ROR2: variants seen among roughly 807,000 people sequenced by gnomAD.
The protein encoded by ROR2 is ROR family WNT receptor 2, also known as tyrosine-protein kinase transmembrane receptor ROR2.
Under a neutral mutation model 74.9 loss-of-function variants are expected in ROR2, and 33 were observed. The ratio of observed to expected loss-of-function variants is 0.44; its 90% CI spans 0.33 to 0.59. The LOEUF (loss-of-function observed/expected upper bound fraction) is 0.59. Among genes scored for constraint, ROR2 ranks in the 20% least tolerant of loss-of-function variants. The pLI, the probability that ROR2 is intolerant of heterozygous loss-of-function variation, is 0.02. For synonymous variants in ROR2, 586 were observed against 558.7 expected (o/e 1.05, Z -0.69); for missense variants, 1,216 against 1,313.8 (o/e 0.93, Z 1.15).
Position 91,822,089 on chromosome 9 carries a change from G to A in ROR2, c.98-46271C>T, listed in dbSNP as rs368917832. Among the ~76,000 whole-genome samples the A allele has an allele frequency of 1.2e-4, 18 of 152,308 alleles. No individual in the cohort carries two copies. In the South Asian group the frequency reaches 2.7e-3, roughly 23 times the overall value. On this transcript the variant is annotated intron_variant, in intron 1 of 8. Coordinates refer to ENST00000375708, the MANE Select transcript of ROR2 (RefSeq NM_004560.4). ...GTAAACACGGCAGTTGACCCAAATCGGGATGAGAGAAATCCATGAAGTGAT... is the reference window on the plus strand; with the variant it reads ...GTAAACACGGCAGTTGACCCAAATCAGGATGAGAGAAATCCATGAAGTGAT...
chr9:91,748,806 G>A lies in ROR2; in HGVS notation c.494+7265C>T, dbSNP rs537160895. Among the ~76,000 whole-genome samples the A allele has an allele frequency of 1.7e-3, 262 of 152,302 alleles. 1 individual carries two copies. The highest frequency in any genetic ancestry group is 6.0e-3 in the African/African-American group (248 of 41,576). ...CCAGCATTTTGGGAGGCTGAGGCGT[G>A]TGGATCACCTGAGGTCAGGAGACCA... is the stretch of plus-strand genomic sequence containing the variant. On this transcript the variant is annotated intron_variant, in intron 4 of 8. Transcript: ENST00000375708.
At chr9:91,888,176 T>C (rs190315645) in intron 1 of ROR2, among the ~76,000 whole-genome samples, 4 of 152,322 alleles carry the variant, frequency 2.6e-5, no homozygotes, top group Admixed American at 2.0e-4. Context: ...TTCTAGACTT[T>C]TGTGAATTTG....
intron 1 of ROR2, among the ~76,000 whole-genome samples, chr9:91,821,859 C>T (rs753369801): frequency 2.0e-5 from 3 of 152,220 alleles, no homozygotes; most frequent in Non-Finnish European, 4.4e-5. Context: ...CTCAGCAGTT[C>T]CCAGGCACTG....
chr9:91,870,787 A>C (rs1197605664), intron 1 of ROR2, among the ~76,000 whole-genome samples: 1 of 152,274 alleles, frequency 6.6e-6, no homozygotes, highest in Non-Finnish European at 1.5e-5. Flanking sequence ...TGATTTTTGC[A>C]GGACAGCTTG....
chr9:91,820,299 G>A (rs978253240), intron 1 of ROR2, among the ~76,000 whole-genome samples: 1 of 152,110 alleles, frequency 6.6e-6, no homozygotes, highest in African/African-American at 2.4e-5. Flanking sequence ...GCAAAGCCAC[G>A]CTCCCACGGC....
chr9:91,799,442 C>T (rs1413747136), intron 1 of ROR2, among the ~76,000 whole-genome samples: 2 of 152,298 alleles, frequency 1.3e-5, no homozygotes, highest in African/African-American at 2.4e-5. Context: ...GCTCTCAGCA[C>T]GGAGGTGGCC....
chr9:91,833,916 G>A (rs1046713278), intron 1 of ROR2, among the ~76,000 whole-genome samples: 2 of 152,128 alleles, frequency 1.3e-5, no homozygotes, highest in African/African-American at 4.8e-5. Flanking sequence ...GCATATTCGA[G>A]CCATGGGATT....
At chr9:91,773,740 T>C (rs1360774996) in intron 2 of ROR2, among the ~76,000 whole-genome samples, 1 of 152,178 alleles carries the variant, frequency 6.6e-6, no homozygotes, top group Non-Finnish European at 1.5e-5. Context: ...GGTACCACCA[T>C]GACACCAAGT....
intron 1 of ROR2, among the ~76,000 whole-genome samples, chr9:91,786,604 G>A (rs1484130036): frequency 1.3e-5 from 2 of 152,128 alleles, no homozygotes; most frequent in Non-Finnish European, 2.9e-5. Context: ...CACCAACCTC[G>A]CAAACAGTGA....
rs778062920 is a variant in ROR2 at position 91,724,260 on chromosome 9, C to T, written c.2234G>A (p.Arg745Gln). Residue 745 changes from arginine to glutamine, a missense_variant, in exon 9 of 9, where the codon CGG becomes CAG. Coordinates refer to ENST00000375708, the MANE Select transcript of ROR2 (RefSeq NM_004560.4). ...GGAAAGGTTGCCCCAGGCTCGGAGC[C>T]GGCTGTGGATGTCCTTGAAGCGGGG... ...RRPRFKDIHS[R>Q]LRAWGNLSNY... 4.8e-5 allele frequency: 77 copies of T among 1,613,360 alleles called. No individual in the cohort carries two copies. The highest frequency in any genetic ancestry group is 1.8e-4 in the East Asian group (8 of 44,890).
At chr9:91,949,210 A>T (rs563189486) in intron 1 of ROR2, among the ~76,000 whole-genome samples, 1 of 150,842 alleles carries the variant, frequency 6.6e-6, no homozygotes, top group Non-Finnish European at 1.5e-5. Flanking sequence ...ATCACACACC[A>T]CTTCGGCCAC....
intron 1 of ROR2, among the ~76,000 whole-genome samples, chr9:91,878,410 G>C (rs538588044): frequency 6.6e-6 from 1 of 152,316 alleles, no homozygotes; most frequent in African/African-American, 2.4e-5. Flanking sequence ...AGCCTTGCCT[G>C]GCAGAAGTGG....
intron 1 of ROR2, among the ~76,000 whole-genome samples, chr9:91,880,636 T>A (rs1830083023): frequency 6.6e-6 from 1 of 152,250 alleles, no homozygotes; most frequent in Non-Finnish European, 1.5e-5. Context: ...GGGGACAAAG[T>A]GACCCTGTGC....
intron 1 of ROR2, among the ~76,000 whole-genome samples, chr9:91,925,754 C>T (rs1360053273): frequency 6.6e-6 from 1 of 152,172 alleles, no homozygotes; most frequent in East Asian, 1.9e-4. Flanking sequence ...AGAAAACTCG[C>T]TCACTCTACC....
intron 5 of ROR2, among the ~76,000 whole-genome samples, chr9:91,734,001 C>T (rs576511400): frequency 5.1e-4 from 77 of 152,282 alleles, no homozygotes; most frequent in Non-Finnish European, 9.0e-4. Flanking sequence ...AGGAGAGCCG[C>T]GTTACAACTC....
chr9:91,823,375 C>T (rs553205101), intron 1 of ROR2, among the ~76,000 whole-genome samples: 1 of 151,930 alleles, frequency 6.6e-6, no homozygotes, highest in South Asian at 2.1e-4. Context: ...TGCTCTCTCG[C>T]CCAGGCTGGA....
At chr9:91,804,737 G>C (rs182072645) in intron 1 of ROR2, among the ~76,000 whole-genome samples, 31 of 152,176 alleles carry the variant, frequency 2.0e-4, no homozygotes, top group East Asian at 1.4e-3. Flanking sequence ...GATTCAGAGT[G>C]GGGGGGTGGT....
intron 1 of ROR2, among the ~76,000 whole-genome samples, chr9:91,826,881 A>C (rs16907830): frequency 0.12 from 18,162 of 152,216 alleles, 2,383 homozygotes; most frequent in African/African-American, 0.33. Flanking sequence ...GGAGACTCTG[A>C]AGGTTCTTTT....
At chr9:91,772,848 T>C (rs1191041427) in intron 2 of ROR2, among the ~76,000 whole-genome samples, 2 of 152,200 alleles carry the variant, frequency 1.3e-5, no homozygotes, top group African/African-American at 4.8e-5. Context: ...AAGCATTCTA[T>C]TCTACGCTTG....
Sources: gnomAD v4.1 joint callset for allele counts (sites outside exome capture counted in the v4.1 genomes callset) on GRCh38, gnomAD v4.1.1 for gene constraint, MANE v1.5 for transcripts, NCBI Gene and HGNC (gene_info 2026-07-23, HGNC 2026-07-21) for gene names.